NYX: variants seen among roughly 807,000 people sequenced by gnomAD.
The protein encoded by NYX is nyctalopin.
For synonymous variants in NYX, 258 were observed against 245.7 expected (o/e 1.05, Z -0.47); for missense variants, 481 against 485.4 (o/e 0.99, Z 0.09).
intron 2 of NYX, among the ~76,000 whole-genome samples, chrX:41,462,096 G>A (rs1298625424): frequency 8.9e-6 from 1 of 111,998 alleles, no homozygotes; most frequent in East Asian, 2.8e-4. Flanking sequence ...CTCCGTGCCT[G>A]GCCAAGCATT....
intron 2 of NYX, among the ~76,000 whole-genome samples, chrX:41,467,940 T>A (rs2147021834): frequency 8.9e-6 from 1 of 111,849 alleles, no homozygotes; most frequent in African/African-American, 3.2e-5. Context: ...ATTACAGGTG[T>A]GAGCCACTGT....
In NYX at chrX:41,474,197, C is replaced by G. The variant is rs2064377767; in HGVS notation, c.729C>G (p.Asp243Glu). 6.8e-6 allele frequency: 8 copies of G among 1,173,971 alleles called. No homozygotes were observed. The highest frequency in any genetic ancestry group is 9.1e-6 in the Non-Finnish European group (8 of 881,391). ...ACCTGCTGGCCGAGCTCCCGGCCGA[C>G]GCCTTCCGCGGCCTGCGGCGCCTGC... ...NDNLLAELPA[D>E]AFRGLRRLRT... The change falls in exon 3 of 3, where the codon GAC becomes GAG. Residue 243 changes from aspartate (D) to glutamate (E), a missense_variant. Transcript: ENST00000378220.
intron 2 of NYX, among the ~76,000 whole-genome samples, chrX:41,451,553 G>A (rs745591464): frequency 9.9e-5 from 11 of 111,639 alleles, no homozygotes; most frequent in South Asian, 3.7e-4. Flanking sequence ...TTGCTCTGTC[G>A]TCCAGGCTGG....
intron 2 of NYX, among the ~76,000 whole-genome samples, chrX:41,463,318 T>G (rs1209279814): frequency 8.9e-6 from 1 of 112,193 alleles, no homozygotes; most frequent in African/African-American, 3.2e-5. Context: ...ATGTAATTGT[T>G]GTCATAGTTT....
chrX:41,474,561 G>A lies in NYX; in HGVS notation c.1093G>A (p.Gly365Ser). Residue 365 changes from glycine (G) to serine (S), a missense_variant, in exon 3 of 3, where the codon GGC becomes AGC. By Grantham distance (56) the Gly-to-Ser change is moderately conservative. Transcript: ENST00000378220. ...VPCASPGSVA[G>S]LDLSQVTFGR... ...GTGCGCCTCCCCGGGCTCCGTGGCCGGCCTGGACCTCAGCCAGGTGACCTT... is the reference window on the plus strand; with the variant it reads ...GTGCGCCTCCCCGGGCTCCGTGGCCAGCCTGGACCTCAGCCAGGTGACCTT... 1 of 1,196,822 alleles carries A rather than the reference G, an allele frequency of 8.4e-7. No individual in the cohort carries two copies. The highest frequency in any genetic ancestry group is 1.1e-6 in the Non-Finnish European group (1 of 889,075).
rs1324191639 is a variant in NYX at position 41,475,147 on chromosome X, T to C, written c.*248T>C. On this transcript the variant is annotated 3_prime_UTR_variant, in exon 3 of 3. Transcript: ENST00000378220. The stretch of plus-strand genomic sequence containing the variant: ...GCAAGAATGAACGTGGGCCCTCGGG[T>C]GGGAAGACTAGGAATCGGAAGCTTC... 2.4e-6 allele frequency: 1 copy of C among 424,627 alleles called. No individual in the cohort carries two copies. The highest frequency in any genetic ancestry group is 3.9e-5 in the East Asian group (1 of 25,395). 35.0% of individuals were successfully genotyped at this position (424,627 alleles called of 1,213,427 possible). A position where few individuals can be genotyped will look rare whatever the true frequency, so the allele number is the denominator to read the frequency against.
chrX:41,465,853 C>A (rs944117001), intron 2 of NYX, among the ~76,000 whole-genome samples: 5 of 109,519 alleles, frequency 4.6e-5, no homozygotes, highest in African/African-American at 1.3e-4. Context: ...TGCCTCCTGT[C>A]ACTGGGCAAT....
intron 2 of NYX, among the ~76,000 whole-genome samples, chrX:41,470,284 TA>T (rs2064354345): frequency 9.0e-6 from 1 of 111,180 alleles, no homozygotes; most frequent in East Asian, 2.8e-4. Context: ...GCCGCATGTT[TA>T]AAAATTCTGA....
intron 2 of NYX, 27 bp from the exon 3 acceptor site, chrX:41,473,464 C>T (rs903335066): frequency 2.1e-6 from 2 of 963,173 alleles, no homozygotes; most frequent in African/African-American, 2.1e-5. Flanking sequence ...TCCTCCTTCC[C>T]GACTCCCCAC....
chrX:41,465,820 G>C (rs1234818289), intron 2 of NYX, among the ~76,000 whole-genome samples: 1 of 108,491 alleles, frequency 9.2e-6, no homozygotes, highest in Non-Finnish European at 1.9e-5. Flanking sequence ...ACCACGCCCA[G>C]CTGGGACCTT....
At chrX:41,468,760 A>G (rs1478087773) in intron 2 of NYX, among the ~76,000 whole-genome samples, 1 of 112,240 alleles carries the variant, frequency 8.9e-6, no homozygotes, top group East Asian at 2.8e-4. Flanking sequence ...AGAAGAGAGT[A>G]GAATGAAGGA....
At chrX:41,452,759 A>G (rs1438339277) in intron 2 of NYX, among the ~76,000 whole-genome samples, 1 of 111,309 alleles carries the variant, frequency 9.0e-6, no homozygotes, top group African/African-American at 3.3e-5. Flanking sequence ...TGACTTCTCC[A>G]TCCCTTATGA....
rs2147025262 is a variant in NYX, at chrX:41,473,571, G to A, written c.103G>A (p.Val35Met). The A allele has an allele frequency of 2.0e-6, 2 of 1,011,936 alleles. No homozygotes were observed. The highest frequency in any genetic ancestry group is 2.5e-6 in the Non-Finnish European group (2 of 798,178). The allele number at this position is 1,011,936 out of a possible 1,213,427, so 83.4% of individuals were successfully genotyped here. A position where few individuals can be genotyped will look rare whatever the true frequency, so the allele number is the denominator to read the frequency against. ...TCCCGCCGCCTGCGCCTGCAGCACC[G>A]TGGAGCGCGGCTGCTCGGTGCGCTG... The part of the protein sequence containing the change: ...ACPAACACST[V>M]ERGCSVRCDR... Residue 35 changes from valine (V) to methionine (M), a missense_variant, in exon 3 of 3, where the codon GTG (valine) becomes ATG (methionine). Val to Met is a conservative substitution (Grantham distance 21). Transcript: ENST00000378220.
chrX:41,471,088 A>G (rs1005198042), intron 2 of NYX, among the ~76,000 whole-genome samples: 3 of 111,741 alleles, frequency 2.7e-5, no homozygotes. Context: ...CAAAATTACG[A>G]ACTTTTCCAG....
chrX:41,447,772 G>A lies in NYX; in HGVS notation c.-56-77G>A. 8.7e-6 allele frequency: 6 copies of A among 693,088 alleles called. No homozygotes were observed. The South Asian group carries it at 1.4e-4, about 16-fold the overall frequency. 57.1% of individuals were successfully genotyped at this position (693,088 alleles called of 1,213,427 possible). ...GGAAGAAAGAAAGGCAGGGCATTCA[G>A]GAAGAAGTGTGGAGGCATGGGAGGG... On this transcript the variant is annotated intron_variant, in intron 1 of 2. Transcript: ENST00000378220.
chrX:41,450,841 T>A (rs866097497), intron 2 of NYX, among the ~76,000 whole-genome samples: 6,985 of 85,478 alleles, frequency 0.082, 367 homozygotes, highest in African/African-American at 0.14. Context: ...TTTTTTTTTT[T>A]TTTTTTTTTT....
chrX:41,461,166 C>A (rs2064318063), intron 2 of NYX, among the ~76,000 whole-genome samples: 1 of 107,210 alleles, frequency 9.3e-6, no homozygotes, highest in Non-Finnish European at 1.9e-5. Context: ...TTATCCCTCA[C>A]CCCCTCCCAC....
In NYX at chrX:41,474,195, G is replaced by A; in HGVS notation, c.727G>A (p.Asp243Asn). 2 of 1,172,216 alleles carry A rather than the reference G, an allele frequency of 1.7e-6. No homozygotes were observed. The highest frequency in any genetic ancestry group is 2.3e-6 in the Non-Finnish European group (2 of 880,575). The change falls in exon 3 of 3, where the codon GAC (aspartate) becomes AAC (asparagine). Residue 243 changes from aspartate to asparagine, a missense_variant. Coordinates refer to ENST00000378220, the MANE Select transcript of NYX (RefSeq NM_001378477.3). ...NDNLLAELPA[D>N]AFRGLRRLRT... The stretch of plus-strand genomic sequence containing the variant: ...CAACCTGCTGGCCGAGCTCCCGGCC[G>A]ACGCCTTCCGCGGCCTGCGGCGCCT...
intron 2 of NYX, among the ~76,000 whole-genome samples, chrX:41,459,430 C>A (rs1315407534): frequency 4.5e-5 from 5 of 110,136 alleles, no homozygotes; most frequent in Non-Finnish European, 9.5e-5. Flanking sequence ...ACCAGCCTGA[C>A]CAACATGGTG....
Sources: gnomAD v4.1 joint callset for allele counts (sites outside exome capture counted in the v4.1 genomes callset) on GRCh38, gnomAD v4.1.1 for gene constraint, MANE v1.5 for transcripts, NCBI Gene and HGNC (gene_info 2026-07-23, HGNC 2026-07-21) for gene names.